FKBP5: variants seen among roughly 807,000 people sequenced by gnomAD.
FKBP5 encodes the protein FKBP prolyl isomerase 5.
A neutral mutation model predicts 50.5 loss-of-function variants in FKBP5; 23 were observed. That is an observed-to-expected ratio of 0.46 (90% CI 0.33 to 0.65). The LOEUF (loss-of-function observed/expected upper bound fraction) is 0.65. Among genes scored for constraint, FKBP5 ranks in the 30% least tolerant of loss-of-function variants. FKBP5 has a pLI of 0.02. For missense variants in FKBP5, 411 were observed against 553.1 expected (o/e 0.74, Z 2.58); for synonymous variants, 176 against 190.6 (o/e 0.92, Z 0.63).
chr6:35,594,466 A>T (rs1762915526), intron 6 of FKBP5, among the ~76,000 whole-genome samples: 3 of 152,146 alleles, frequency 2.0e-5, no homozygotes, highest in African/African-American at 7.2e-5. Context: ...ACTAAGAGCT[A>T]TTTGCAGATA....
intron 1 of FKBP5, among the ~76,000 whole-genome samples, chr6:35,728,285 G>A (rs868368971): frequency 2.0e-5 from 3 of 152,284 alleles, no homozygotes; most frequent in South Asian, 4.1e-4. Flanking sequence ...GCAAGCATAC[G>A]GCCCGCTCCT....
intron 1 of FKBP5, among the ~76,000 whole-genome samples, chr6:35,653,384 AATAG>A (rs1052198050): frequency 6.6e-6 from 1 of 151,794 alleles, no homozygotes; most frequent in African/African-American, 2.4e-5. Context: ...AGGACTGTAG[AATAG>A]ATAGTTAAAC....
At chr6:35,585,457 A>AAACTTGGG in intron 8 of FKBP5, 1 of 985,334 alleles carries the variant, frequency 1.0e-6, no homozygotes, top group Non-Finnish European at 1.2e-6. Flanking sequence ...GGCTGGAAAG[A>AAACTTGGG]AACTTGGGGA....
chr6:35,658,329 T>C (rs933114612), intron 1 of FKBP5, among the ~76,000 whole-genome samples: 1 of 151,746 alleles, frequency 6.6e-6, no homozygotes, highest in Non-Finnish European at 1.5e-5. Context: ...TGAGCCGAGT[T>C]TGCGCCACTG....
Position 35,575,649 on chromosome 6 carries a change from C to A in FKBP5, c.*186G>T. The A allele has an allele frequency of 3.4e-6, 2 of 586,558 alleles. No individual in the cohort carries two copies. Among genetic ancestry groups the A allele is most frequent in the Non-Finnish European group, 6.1e-6 (2 of 327,146 alleles). The allele number at this position is 586,558 out of a possible 1,614,324, so 36.3% of individuals were successfully genotyped here. A position where few individuals can be genotyped will look rare whatever the true frequency, so the allele number is the denominator to read the frequency against. On this transcript the variant is annotated 3_prime_UTR_variant, in exon 11 of 11. Coordinates refer to ENST00000357266, the MANE Select transcript of FKBP5 (RefSeq NM_004117.4). The stretch of plus-strand genomic sequence containing the variant: ...CCACCTGGAGTGGTCCCGTGCCACC[C>A]CTCAGTGAACCCTCCGGGCAGCAGC...
exon 2 of FKBP5, chr6:35,720,517 G>T (rs953717928): frequency 3.3e-5 from 5 of 152,382 alleles, no homozygotes; most frequent in Non-Finnish European, 7.3e-5. Context: ...AGGTCCTCAA[G>T]GGTGGGCGCA....
Position 35,575,851 on chromosome 6 carries a change from G to C in FKBP5, c.1358C>G (p.Pro453Arg), listed in dbSNP as rs1325808831. ...TDSQAMEEEK[P>R]EGHV ...GGCGTGGCGTCATACGTGGCCCTCAGGTTTCTCTTCTTCCATTGCTTGACT... is the reference window on the plus strand; with the variant it reads ...GGCGTGGCGTCATACGTGGCCCTCACGTTTCTCTTCTTCCATTGCTTGACT... The change falls in exon 11 of 11, where the codon CCT becomes CGT. Residue 453 changes from proline to arginine, a missense_variant. This residue lies in a region of FKBP5 where 88 missense variants were observed against 89.0 expected (regional missense o/e 0.99). Transcript: ENST00000357266. 1 of 1,613,196 alleles carries C rather than the reference G, an allele frequency of 6.2e-7. No homozygotes were observed. Among genetic ancestry groups the C allele is most frequent in the Admixed American group, 1.7e-5 (1 of 59,994 alleles).
chr6:35,623,572 C>CTT (rs374683217), intron 3 of FKBP5, among the ~76,000 whole-genome samples: 4 of 144,218 alleles, frequency 2.8e-5, no homozygotes, highest in African/African-American at 1.0e-4. Flanking sequence ...GGCTACATCA[C>CTT]TTTTTTTTTT....
chr6:35,700,775 T>C (rs191250771), intron 2 of FKBP5, among the ~76,000 whole-genome samples: 33 of 151,744 alleles, frequency 2.2e-4, no homozygotes, highest in Admixed American at 8.5e-4. Flanking sequence ...CTGACCAATA[T>C]GGCGAAACCC....
At chr6:35,705,243 TATATATATATATATA>T (rs1289212695) in intron 2 of FKBP5, among the ~76,000 whole-genome samples, 16 of 2,842 alleles carry the variant, frequency 5.6e-3, no homozygotes, top group Admixed American at 0.023. Flanking sequence ...TATATATATA[TATATATATATATATA>T]TTTTTTTTTT....
rs771042563 is a variant in FKBP5, at chr6:35,574,081, C to A, written c.*1754G>T. The A allele has an allele frequency of 1.3e-5, 2 of 152,136 alleles. No homozygotes were observed. The highest frequency in any genetic ancestry group is 2.9e-5 in the Non-Finnish European group (2 of 68,024). The allele number at this position is 152,136 out of a possible 1,614,324, so 9.4% of individuals were successfully genotyped here. On this transcript the variant is annotated 3_prime_UTR_variant, in exon 11 of 11. Coordinates refer to ENST00000357266, the MANE Select transcript of FKBP5 (RefSeq NM_004117.4). ...AAATCAGCTTTTGCTCTTCATATTT[C>A]GTAGGTGAGACTGGGGCTTTTAAAA... is the stretch of plus-strand genomic sequence containing the variant.
At chr6:35,604,978 G>T (rs1763263561) in intron 5 of FKBP5, among the ~76,000 whole-genome samples, 1 of 151,930 alleles carries the variant, frequency 6.6e-6, no homozygotes. Flanking sequence ...TAGAGATGGG[G>T]TTTCACCATG....
upstream of FKBP5, among the ~76,000 whole-genome samples, chr6:35,690,253 G>A (rs1338937527): frequency 6.6e-6 from 1 of 152,210 alleles, no homozygotes; most frequent in Non-Finnish European, 1.5e-5. Flanking sequence ...CGGATCACCT[G>A]AGGTCGGGAG....
At chr6:35,616,510 G>A (rs557708772) in intron 5 of FKBP5, among the ~76,000 whole-genome samples, 3 of 151,872 alleles carry the variant, frequency 2.0e-5, no homozygotes, top group Non-Finnish European at 4.4e-5. Flanking sequence ...ACATTTAGAG[G>A]AAGCTGTGTA....
chr6:35,675,067 T>C (rs75769460), intron 1 of FKBP5, among the ~76,000 whole-genome samples: 1 of 152,276 alleles, frequency 6.6e-6, no homozygotes, highest in South Asian at 2.1e-4. Context: ...GAAGACATAC[T>C]AGGCGCTGAG....
intron 5 of FKBP5, among the ~76,000 whole-genome samples, chr6:35,602,623 A>C (rs1314984455): frequency 2.6e-5 from 4 of 151,850 alleles, no homozygotes; most frequent in Admixed American, 1.3e-4. Context: ...TGAAAAAGCA[A>C]GCAGAGATGG....
chr6:35,603,654 T>TAAC (rs1314836389), intron 5 of FKBP5, among the ~76,000 whole-genome samples: 5 of 132,660 alleles, frequency 3.8e-5, no homozygotes, highest in South Asian at 2.3e-4. Flanking sequence ...TTTTTTTTTG[T>TAAC]AACAACAACA....
rs57741304 is a variant in FKBP5 at position 35,578,025 on chromosome 6, G to A, written c.1027-792C>T. Among the ~76,000 whole-genome samples the A allele has an allele frequency of 1.9e-4, 27 of 143,076 alleles. No homozygotes were observed. The East Asian group carries it at 5.2e-3, about 27-fold the overall frequency. 93.9% of individuals were successfully genotyped at this position (143,076 alleles called of 152,430 possible). ...GCTGAGATCGTGCCACTGCACTCCA[G>A]GCTGGGTGACAGAGTGAGACTCTTG... On this transcript the variant is annotated intron_variant, in intron 9 of 10. Coordinates refer to ENST00000357266, the MANE Select transcript of FKBP5 (RefSeq NM_004117.4).
At chr6:35,677,367 C>A (rs1765556103) in intron 1 of FKBP5, among the ~76,000 whole-genome samples, 1 of 152,166 alleles carries the variant, frequency 6.6e-6, no homozygotes, top group Admixed American at 6.5e-5. Context: ...GCCACCACAC[C>A]CAGCCCAGCA....
Sources: gnomAD v4.1 joint callset for allele counts (sites outside exome capture counted in the v4.1 genomes callset) on GRCh38, gnomAD v4.1.1 for gene constraint, gnomAD v4.1.1 regional missense constraint, MANE v1.5 for transcripts, NCBI Gene and HGNC (gene_info 2026-07-23, HGNC 2026-07-21) for gene names.